DLG2: variants seen among roughly 807,000 people sequenced by gnomAD.
The protein encoded by DLG2 is discs large MAGUK scaffold protein 2.
DLG2 carries 45 observed loss-of-function variants against 132.5 expected under a neutral mutation model. That is an observed-to-expected ratio of 0.34 (90% CI 0.27 to 0.44). The LOEUF (loss-of-function observed/expected upper bound fraction) is 0.44. Among genes scored for constraint, DLG2 ranks in the 20% least tolerant of loss-of-function variants. The pLI is 1.00. For synonymous variants in DLG2, 424 were observed against 419.6 expected (o/e 1.01, Z -0.13); for missense variants, 1,045 against 1,196.9 (o/e 0.87, Z 1.87).
rs575682121 is a variant in DLG2 at position 83,492,622 on chromosome 11, C to T, written c.2194-8394G>A. ...CAAGCAAGCAGACAAAAACCTTGGT[C>T]CTCCCTCAGTCTTGTTCAACTTGGG... On this transcript the variant is annotated intron_variant, in intron 21 of 27. Coordinates refer to ENST00000376104, the MANE Select transcript of DLG2 (RefSeq NM_001142699.3). Among the ~76,000 whole-genome samples the T allele has an allele frequency of 3.5e-4, 54 of 152,150 alleles. 1 individual carries two copies. Among genetic ancestry groups the T allele is most frequent in the Middle Eastern group, 3.4e-3 (1 of 294 alleles).
At chr11:85,481,238 T>C (rs2093281380) in intron 3 of DLG2, among the ~76,000 whole-genome samples, 1 of 152,210 alleles carries the variant, frequency 6.6e-6, no homozygotes, top group Non-Finnish European at 1.5e-5. Context: ...GGTAGAATGG[T>C]ATTTGATCAG....
At chr11:83,547,733 C>T (rs1347866798) in intron 19 of DLG2, among the ~76,000 whole-genome samples, 3 of 152,144 alleles carry the variant, frequency 2.0e-5, no homozygotes, top group East Asian at 1.9e-4. Context: ...ACCAGACCTA[C>T]AGAACTATAA....
chr11:84,866,046 A>G (rs1794214393), intron 6 of DLG2, among the ~76,000 whole-genome samples: 1 of 152,250 alleles, frequency 6.6e-6, no homozygotes, highest in Non-Finnish European at 1.5e-5. Context: ...CAAAAGGTTG[A>G]GGGAATGATT....
intron 22 of DLG2, among the ~76,000 whole-genome samples, chr11:83,475,125 G>A (rs1215356577): frequency 6.6e-6 from 1 of 152,132 alleles, no homozygotes; most frequent in African/African-American, 2.4e-5. Context: ...GTGGCAATCA[G>A]GTACTGTGTA....
intron 9 of DLG2, among the ~76,000 whole-genome samples, chr11:84,121,307 G>C (rs1668356859): frequency 6.6e-6 from 1 of 152,034 alleles, no homozygotes; most frequent in Admixed American, 6.6e-5. Context: ...TTCCCATCTT[G>C]TTCATAATAC....
intron 6 of DLG2, among the ~76,000 whole-genome samples, chr11:85,000,313 C>T (rs2058091065): frequency 6.6e-6 from 1 of 152,150 alleles, no homozygotes; most frequent in Admixed American, 6.5e-5. Flanking sequence ...TCCAGAAAAG[C>T]TTAGAGGTCT....
chr11:83,874,557 T>G, intron 15 of DLG2, 69 bp from the exon 16 acceptor site: 2 of 1,276,554 alleles, frequency 1.6e-6, no homozygotes, highest in Non-Finnish European at 1.1e-6. Context: ...TTTATTATAC[T>G]TTAAGTTTTA....
chr11:84,216,265 T>C (rs1171624584), intron 8 of DLG2, among the ~76,000 whole-genome samples: 1 of 152,178 alleles, frequency 6.6e-6, no homozygotes, highest in Non-Finnish European at 1.5e-5. Context: ...ATTTTAAGGC[T>C]CATGTAATTA....
intron 6 of DLG2, among the ~76,000 whole-genome samples, chr11:84,584,608 T>G (rs1161914483): frequency 2.7e-5 from 4 of 150,838 alleles, no homozygotes; most frequent in Non-Finnish European, 5.9e-5. Context: ...TCAAGCAATC[T>G]TCCTGCCTCA....
chr11:83,657,625 G>A (rs933747684), intron 18 of DLG2, among the ~76,000 whole-genome samples: 1 of 137,332 alleles, frequency 7.3e-6, no homozygotes, highest in Non-Finnish European at 1.5e-5. Context: ...TGCAAGATCT[G>A]CCTCCCGGGT....
At chr11:85,497,409 C>T (rs2093692237) in intron 3 of DLG2, among the ~76,000 whole-genome samples, 1 of 151,702 alleles carries the variant, frequency 6.6e-6, no homozygotes, top group South Asian at 2.1e-4. Flanking sequence ...ACAAAGCCTC[C>T]AAGAAATCTG....
intron 19 of DLG2, among the ~76,000 whole-genome samples, chr11:83,569,311 T>C (rs1453769874): frequency 6.6e-6 from 1 of 152,160 alleles, no homozygotes; most frequent in African/African-American, 2.4e-5. Context: ...CTGACAATTA[T>C]GTCAGTAAGC....
chr11:84,275,900 G>C (rs1214359038), intron 7 of DLG2, among the ~76,000 whole-genome samples: 2 of 152,170 alleles, frequency 1.3e-5, no homozygotes, highest in Non-Finnish European at 2.9e-5. Flanking sequence ...AGAGTCTGTT[G>C]TTAGGGTAGT....
At chr11:84,729,660 G>A (rs1256898792) in intron 6 of DLG2, among the ~76,000 whole-genome samples, 1 of 152,028 alleles carries the variant, frequency 6.6e-6, no homozygotes, top group East Asian at 1.9e-4. Context: ...CGTAGTGACT[G>A]CTTGGCCTTT....
At chr11:85,515,568 A>G (rs2094154385) in intron 3 of DLG2, among the ~76,000 whole-genome samples, 1 of 152,010 alleles carries the variant, frequency 6.6e-6, no homozygotes, top group South Asian at 2.1e-4. Flanking sequence ...CCTTGAATCT[A>G]GCAAGTGATC....
At chr11:85,438,742 G>A (rs956115769) in intron 3 of DLG2, among the ~76,000 whole-genome samples, 5 of 152,080 alleles carry the variant, frequency 3.3e-5, no homozygotes, top group African/African-American at 1.2e-4. Context: ...ATTTTATCAT[G>A]TACGTAGGTT....
chr11:84,942,607 T>G (rs2049596969), intron 6 of DLG2, among the ~76,000 whole-genome samples: 1 of 152,204 alleles, frequency 6.6e-6, no homozygotes, highest in South Asian at 2.1e-4. Context: ...ATTACAATTT[T>G]TTAAAATTTT....
chr11:85,559,951 T>C (rs1050541579), intron 3 of DLG2, among the ~76,000 whole-genome samples: 1 of 151,648 alleles, frequency 6.6e-6, no homozygotes, highest in African/African-American at 2.4e-5. Flanking sequence ...AAATAAAGGA[T>C]AAAATTATTG....
chr11:84,400,428 T>A (rs988493053), intron 7 of DLG2, among the ~76,000 whole-genome samples: 5 of 152,160 alleles, frequency 3.3e-5, no homozygotes, highest in Non-Finnish European at 7.3e-5. Context: ...AGACTGGAAG[T>A]AAAGACTGCT....
Sources: gnomAD v4.1 joint callset for allele counts (sites outside exome capture counted in the v4.1 genomes callset) on GRCh38, gnomAD v4.1.1 for gene constraint, MANE v1.5 for transcripts, NCBI Gene and HGNC (gene_info 2026-07-23, HGNC 2026-07-21) for gene names.